NALCN: variants seen among roughly 807,000 people sequenced by gnomAD.
NALCN encodes sodium leak channel NALCN.
A neutral mutation model predicts 225.3 loss-of-function variants in NALCN; 111 were observed. The ratio of observed to expected loss-of-function variants is 0.49; its 90% CI spans 0.42 to 0.58. The LOEUF (loss-of-function observed/expected upper bound fraction) is 0.58, where lower values mean the gene tolerates loss of function less well. Among genes scored for constraint, NALCN ranks in the 20% least tolerant of loss-of-function variants. The pLI, the probability that NALCN is intolerant of heterozygous loss-of-function variation, is 0.00. For synonymous variants in NALCN, 764 were observed against 769.0 expected (o/e 0.99, Z 0.11); for missense variants, 1,378 against 2,202.4 (o/e 0.63, Z 7.49).
intron 3 of NALCN, 71 bp from the exon 4 acceptor site, chr13:101,378,724 G>C: frequency 7.9e-7 from 1 of 1,269,076 alleles, no homozygotes; most frequent in Non-Finnish European, 1.1e-6. Flanking sequence ...GGAGGAAAAT[G>C]TCAAATATTA....
chr13:101,067,552 G>A (rs1011801413), intron 39 of NALCN, among the ~76,000 whole-genome samples: 17 of 152,144 alleles, frequency 1.1e-4, no homozygotes, highest in Non-Finnish European at 2.2e-4. Flanking sequence ...TTTTAATTGG[G>A]ATTGCTGCTT....
At chr13:101,137,436 T>A (rs1278787616) in intron 17 of NALCN, among the ~76,000 whole-genome samples, 2 of 152,136 alleles carry the variant, frequency 1.3e-5, no homozygotes, top group African/African-American at 4.8e-5. Context: ...AAATTATAGA[T>A]CAGGCTGAGT....
intron 27 of NALCN, among the ~76,000 whole-genome samples, chr13:101,099,452 A>T (rs1355864121): frequency 6.6e-6 from 1 of 152,154 alleles, no homozygotes; most frequent in East Asian, 1.9e-4. Flanking sequence ...ATTTGCTAGA[A>T]ATAAATAATG....
intron 13 of NALCN, among the ~76,000 whole-genome samples, chr13:101,219,701 T>C (rs1398170890): frequency 2.6e-5 from 4 of 152,172 alleles, no homozygotes; most frequent in Non-Finnish European, 5.9e-5. Flanking sequence ...TCCTTCCAGG[T>C]ACAGATTGAC....
chr13:101,127,836 C>G (rs1404248298), intron 17 of NALCN, among the ~76,000 whole-genome samples: 1 of 152,010 alleles, frequency 6.6e-6, no homozygotes, highest in Non-Finnish European at 1.5e-5. Context: ...TAGTTATTCC[C>G]TTCTTTTTTC....
chr13:101,348,990 G>A (rs530096494), intron 6 of NALCN, among the ~76,000 whole-genome samples: 542 of 151,802 alleles, frequency 3.6e-3, no homozygotes, highest in African/African-American at 0.011. Context: ...AATTATTTCC[G>A]TAGTCATTTT....
intron 7 of NALCN, among the ~76,000 whole-genome samples, chr13:101,340,059 A>G (rs2045507293): frequency 1.3e-5 from 2 of 151,928 alleles, no homozygotes; most frequent in Non-Finnish European, 2.9e-5. Context: ...CGAGGTCAGG[A>G]GATCGAGACC....
At chr13:101,317,469 T>G (rs1027957007) in intron 7 of NALCN, among the ~76,000 whole-genome samples, 13 of 152,184 alleles carry the variant, frequency 8.5e-5, no homozygotes, top group African/African-American at 2.9e-4. Context: ...AACTTCTCCC[T>G]CGTAAGCATC....
At chr13:101,100,718 T>G in intron 27 of NALCN, 66 bp downstream of exon 27, 5 of 1,346,706 alleles carry the variant, frequency 3.7e-6, no homozygotes, top group Non-Finnish European at 5.1e-6. Context: ...GTGCTAGGAT[T>G]GTAGGCACAT....
At chr13:101,143,562 T>G (rs1401451654) in intron 16 of NALCN, among the ~76,000 whole-genome samples, 1 of 152,084 alleles carries the variant, frequency 6.6e-6, no homozygotes, top group African/African-American at 2.4e-5. Flanking sequence ...CCTCCCGAGT[T>G]TAAGCAATTC....
intron 37 of NALCN, among the ~76,000 whole-genome samples, chr13:101,069,687 G>T (rs376543583): frequency 6.6e-6 from 1 of 152,172 alleles, no homozygotes. Context: ...TTCGAATTTG[G>T]AGTCAACCCT....
chr13:101,148,874 T>G (rs1490412213), intron 15 of NALCN, among the ~76,000 whole-genome samples: 9 of 152,206 alleles, frequency 5.9e-5, no homozygotes, highest in Non-Finnish European at 1.0e-4. Context: ...TGAATAAATT[T>G]GTTAGTGTGG....
At chr13:101,223,813 G>A (rs1393964037) in intron 13 of NALCN, among the ~76,000 whole-genome samples, 1 of 152,052 alleles carries the variant, frequency 6.6e-6, no homozygotes, top group Non-Finnish European at 1.5e-5. Flanking sequence ...GTCCACCTCA[G>A]GGTCAAGCCC....
At chr13:101,204,756 T>C (rs548218215) in intron 13 of NALCN, among the ~76,000 whole-genome samples, 10 of 152,272 alleles carry the variant, frequency 6.6e-5, no homozygotes, top group African/African-American at 2.4e-4. Flanking sequence ...TTTTATGTAT[T>C]ATACCATAAA....
chr13:101,081,481 C>G, intron 34 of NALCN, 46 bp downstream of exon 34: 1 of 1,612,914 alleles, frequency 6.2e-7, no homozygotes, highest in Non-Finnish European at 8.5e-7. Flanking sequence ...CAGAACTGAA[C>G]CAAACTGAAA....
At position 101,123,174 on chromosome 13, in the gene NALCN, G is replaced by A. The variant is rs537193506; in HGVS notation, c.2192+1434C>T. Among the ~76,000 whole-genome samples the A allele has an allele frequency of 1.6e-3, 239 of 152,324 alleles. 1 individual carries two copies. Among genetic ancestry groups the A allele is most frequent in the Non-Finnish European group, 2.2e-3 (153 of 68,032 alleles). ...TCTGTTTCTGCATCTGCCTTGGAAA[G>A]TCTCTGGGAACCCATTCACACAGAG... On this transcript the variant is annotated intron_variant, in intron 18 of 43. Coordinates refer to ENST00000251127, the MANE Select transcript of NALCN (RefSeq NM_052867.4).
chr13:101,118,954 G>A (rs1038511412), intron 18 of NALCN, among the ~76,000 whole-genome samples: 2 of 152,172 alleles, frequency 1.3e-5, no homozygotes, highest in African/African-American at 2.4e-5. Context: ...CCCAGAATGC[G>A]GAGCTGCAGA....
At chr13:101,353,274 T>C (rs1387835028) in intron 6 of NALCN, among the ~76,000 whole-genome samples, 1 of 152,170 alleles carries the variant, frequency 6.6e-6, no homozygotes, top group Non-Finnish European at 1.5e-5. Context: ...GCAAGACACA[T>C]TATCTTGCTA....
At chr13:101,225,960 C>T (rs1369270238) in intron 13 of NALCN, among the ~76,000 whole-genome samples, 1 of 152,082 alleles carries the variant, frequency 6.6e-6, no homozygotes, top group African/African-American at 2.4e-5. Flanking sequence ...TGGCATTACT[C>T]CCACAATCAA....
Sources: allele counts gnomAD v4.1 joint callset (sites outside exome capture counted in the v4.1 genomes callset), GRCh38; gene constraint gnomAD v4.1.1; transcripts MANE v1.5; gene names NCBI Gene and HGNC (gene_info 2026-07-23, HGNC 2026-07-21).